The following MASTL variants were observed in gnomAD, a reference collection of about 807,000 sequenced individuals.
MASTL encodes the protein microtubule associated serine/threonine kinase like, also known as serine/threonine-protein kinase greatwall.
Under a neutral mutation model 82.5 loss-of-function variants are expected in MASTL, and 54 were observed. The ratio of observed to expected loss-of-function variants is 0.65; its 90% CI spans 0.53 to 0.82. The LOEUF (loss-of-function observed/expected upper bound fraction) is 0.82. Among genes scored for constraint, MASTL ranks in the 40% least tolerant of loss-of-function variants. The pLI is 0.00. For missense variants in MASTL, 950 were observed against 1,047.8 expected (o/e 0.91, Z 1.29); for synonymous variants, 323 against 368.9 (o/e 0.88, Z 1.43).
At chr10:27,165,928 A>G (rs2057728338) in intron 6 of MASTL, among the ~76,000 whole-genome samples, 1 of 151,798 alleles carries the variant, frequency 6.6e-6, no homozygotes, top group African/African-American at 2.4e-5. Context: ...CCCAAAATTC[A>G]AAACATTTTG....
intron 9 of MASTL, among the ~76,000 whole-genome samples, chr10:27,178,658 A>G (rs968757933): frequency 1.3e-5 from 2 of 151,522 alleles, no homozygotes; most frequent in African/African-American, 4.8e-5. Flanking sequence ...TGGCATATCC[A>G]TAGAGAAATC....
At chr10:27,172,860 A>AT (rs936278133) in intron 8 of MASTL, among the ~76,000 whole-genome samples, 2 of 151,724 alleles carry the variant, frequency 1.3e-5, no homozygotes, top group South Asian at 2.1e-4. Context: ...TTTCTTGCAG[A>AT]TTTTTTTTAT....
chr10:27,186,266 T>C, intron 11 of MASTL, 113 bp from the exon 12 acceptor site: 5 of 1,102,340 alleles, frequency 4.5e-6, no homozygotes, highest in South Asian at 3.9e-5. Context: ...GAAACTGACA[T>C]AATAAAGTAA....
At chr10:27,160,682 C>T (rs549293898) in intron 3 of MASTL, among the ~76,000 whole-genome samples, 9 of 150,950 alleles carry the variant, frequency 6.0e-5, no homozygotes, top group East Asian at 3.9e-4. Context: ...ACCCGGAAGG[C>T]GGAGGTTGCA....
intron 9 of MASTL, 131 bp downstream of exon 9, chr10:27,173,390 A>G: frequency 2.1e-6 from 2 of 974,878 alleles, no homozygotes; most frequent in Non-Finnish European, 3.2e-6. Context: ...TCTAGTATAT[A>G]TATGGCATTT....
Position 27,181,535 on chromosome 10 carries a change from A to G in MASTL, c.2436A>G (p.Val812=), listed in dbSNP as rs1181559961. The change falls in exon 11 of 12, where the codon GTA becomes GTG. Residue 812 remains valine (V), a synonymous_variant. Transcript: ENST00000375940. ...TATCTGATAATGCTCAAAGTGCAGT[A>G]GAAATACTTTTAACCATTGATGATA... ...EKLSDNAQSA[V]EILLTIDDTK... 19 of 1,613,378 alleles carry G rather than the reference A, an allele frequency of 1.2e-5. No individual in the cohort carries two copies. The highest frequency in any genetic ancestry group is 1.6e-5 in the Non-Finnish European group (19 of 1,179,406).
intron 1 of MASTL, among the ~76,000 whole-genome samples, chr10:27,157,976 ATT>A (rs1036150582): frequency 2.0e-5 from 3 of 152,046 alleles, no homozygotes; most frequent in African/African-American, 7.2e-5. Flanking sequence ...GTGGAACAGA[ATT>A]TTTTTTCTAT....
chr10:27,172,512 G>C (rs2057980703), intron 8 of MASTL, among the ~76,000 whole-genome samples: 1 of 152,114 alleles, frequency 6.6e-6, no homozygotes, highest in South Asian at 2.1e-4. Flanking sequence ...AAATTAGCCA[G>C]GCATGGTGGT....
chr10:27,179,324 G>T, intron 9 of MASTL, among the ~76,000 whole-genome samples: 1 of 152,170 alleles, frequency 6.6e-6, no homozygotes, highest in Non-Finnish European at 1.5e-5. Context: ...GGAGACTGAG[G>T]CAGGTGGATC....
intron 7 of MASTL, among the ~76,000 whole-genome samples, chr10:27,168,092 T>G (rs1192602287): frequency 6.6e-6 from 1 of 152,228 alleles, no homozygotes; most frequent in Non-Finnish European, 1.5e-5. Flanking sequence ...AATAAACCTT[T>G]TATTTGCTAA....
chr10:27,184,655 G>T (rs1657783617), intron 11 of MASTL, among the ~76,000 whole-genome samples: 1 of 135,674 alleles, frequency 7.4e-6, no homozygotes, highest in Admixed American at 8.8e-5. Context: ...CAGCCTCCCA[G>T]GTTCAAGTGA....
At chr10:27,185,145 G>A (rs2058603494) in intron 11 of MASTL, among the ~76,000 whole-genome samples, 1 of 152,190 alleles carries the variant, frequency 6.6e-6, no homozygotes, top group Non-Finnish European at 1.5e-5. Flanking sequence ...GGAAGAAAGG[G>A]AGAAGGGGGT....
At chr10:27,186,234 C>T in intron 11 of MASTL, 145 bp from the exon 12 acceptor site, 1 of 846,532 alleles carries the variant, frequency 1.2e-6, no homozygotes, top group South Asian at 1.5e-5. Context: ...TGTGGCCTAA[C>T]AGACATTAAA....
chr10:27,157,716 T>G (rs2057439427), intron 1 of MASTL, among the ~76,000 whole-genome samples: 1 of 152,162 alleles, frequency 6.6e-6, no homozygotes, highest in Non-Finnish European at 1.5e-5. Context: ...CCTTGAAACT[T>G]GAAAAGAGTA....
At chr10:27,160,774 A>G (rs1385038709) in intron 3 of MASTL, among the ~76,000 whole-genome samples, 2 of 152,088 alleles carry the variant, frequency 1.3e-5, no homozygotes, top group African/African-American at 4.8e-5. Context: ...AAAAGAAAAA[A>G]AAGAAAGTAA....
intron 9 of MASTL, among the ~76,000 whole-genome samples, chr10:27,175,111 CTT>C (rs2058062656): frequency 6.6e-6 from 1 of 152,006 alleles, no homozygotes; most frequent in Non-Finnish European, 1.5e-5. Context: ...AAGGTTTCCT[CTT>C]TGTTTGATTA....
chr10:27,180,253 C>T (rs1304185311), intron 9 of MASTL, among the ~76,000 whole-genome samples: 2 of 152,202 alleles, frequency 1.3e-5, no homozygotes, highest in Admixed American at 6.5e-5. Context: ...GAGCAAGTCA[C>T]CAAGAGGGGA....
upstream of MASTL, chr10:27,155,273 G>T (rs540017262): frequency 2.1e-5 from 15 of 726,544 alleles, no homozygotes; most frequent in Admixed American, 2.3e-4. Flanking sequence ...CTCCGTCCGC[G>T]TCTGCGTAGG....
chr10:27,171,424 T>C (rs2057931939), intron 8 of MASTL, among the ~76,000 whole-genome samples: 1 of 137,528 alleles, frequency 7.3e-6, no homozygotes, highest in Non-Finnish European at 1.6e-5. Flanking sequence ...ATTATTATTA[T>C]TATTATTATT....
Sources: allele counts gnomAD v4.1 joint callset (sites outside exome capture counted in the v4.1 genomes callset), GRCh38; gene constraint gnomAD v4.1.1; transcripts MANE v1.5; gene names NCBI Gene and HGNC (gene_info 2026-07-23, HGNC 2026-07-21).